Variants in FBN1 observed in about 807,000 individuals in gnomAD.
FBN1 encodes the protein fibrillin-1.
FBN1 carries 29 observed loss-of-function variants against 365.1 expected under a neutral mutation model. The observed-to-expected ratio is 0.08, with a 90% CI of 0.06 to 0.11. The LOEUF is 0.11. FBN1 is among the 10% of genes least tolerant of loss of function. The probability of loss-of-function intolerance (pLI) is 1.00; values close to 1 mark genes in which losing one functional copy is unlikely to be tolerated. For missense variants in FBN1, 2,476 were observed against 3,703.2 expected (o/e 0.67, Z 8.60); for synonymous variants, 1,210 against 1,270.5 (o/e 0.95, Z 1.01).
At chr15:48,438,611 T>C (rs1186349954) in intron 50 of FBN1, among the ~76,000 whole-genome samples, 2 of 152,080 alleles carry the variant, frequency 1.3e-5, no homozygotes, top group East Asian at 1.9e-4. Context: ...AGAAGCTTGT[T>C]TAGCTCAACA....
intron 23 of FBN1, among the ~76,000 whole-genome samples, chr15:48,493,975 A>C (rs1208632849): frequency 6.6e-6 from 1 of 152,204 alleles, no homozygotes; most frequent in Non-Finnish European, 1.5e-5. Context: ...ATCAACCTAA[A>C]ACATTTTCAG....
intron 17 of FBN1, among the ~76,000 whole-genome samples, chr15:48,500,606 T>G (rs1033125484): frequency 2.6e-5 from 4 of 152,092 alleles, no homozygotes; most frequent in African/African-American, 9.7e-5. Context: ...TATAAACACA[T>G]AGTGAGGGGT....
Position 48,421,448 on chromosome 15 carries a change from T to A in FBN1, c.7699+110A>T, listed in dbSNP as rs1597513163. The A allele has an allele frequency of 2.2e-6, 3 of 1,364,790 alleles. No homozygotes were observed. The South Asian group carries it at 3.7e-5, about 17-fold the overall frequency. 84.5% of individuals were successfully genotyped at this position (1,364,790 alleles called of 1,614,324 possible). On this transcript the variant is annotated intron_variant, in intron 62 of 65. Transcript: ENST00000316623. The stretch of plus-strand genomic sequence containing the variant: ...ACACTATTTTAGCTGAGTGCCCCCC[T>A]GGGCTCAGATCTGCTATCTCATAGA...
intron 6 of FBN1, among the ~76,000 whole-genome samples, chr15:48,563,422 A>G (rs1414031946): frequency 6.6e-6 from 1 of 152,276 alleles, no homozygotes; most frequent in African/African-American, 2.4e-5. Flanking sequence ...TGCAGGGAGC[A>G]GGCAGGGAGG....
intron 30 of FBN1, 38 bp downstream of exon 30, chr15:48,485,336 C>T: frequency 6.2e-7 from 1 of 1,614,046 alleles, no homozygotes; most frequent in Middle Eastern, 1.7e-4. Context: ...ACTTAGGAAC[C>T]TACTGAGAGA....
intron 22 of FBN1, among the ~76,000 whole-genome samples, chr15:48,494,603 AATATAGAAAACTCAAGTCTATAATTTG>A (rs1283397999): frequency 6.6e-6 from 1 of 152,218 alleles, no homozygotes; most frequent in Non-Finnish European, 1.5e-5. Context: ...CTTTAACCTG[AATATAGAAAACTCAAGTCTATAATTTG>A]GAGATCTCAT....
intron 6 of FBN1, among the ~76,000 whole-genome samples, chr15:48,562,074 T>C (rs909222894): frequency 2.6e-5 from 4 of 152,200 alleles, no homozygotes; most frequent in African/African-American, 9.6e-5. Context: ...GATCACATTT[T>C]GGGCAACACT....
At chr15:48,484,929 T>C (rs940373702) in intron 30 of FBN1, among the ~76,000 whole-genome samples, 83 of 152,294 alleles carry the variant, frequency 5.4e-4, no homozygotes, top group African/African-American at 1.9e-3. Flanking sequence ...TTTGGAGAGA[T>C]TGTGAAAACA....
chr15:48,509,626 A>G (rs2060865559), intron 14 of FBN1, among the ~76,000 whole-genome samples: 1 of 150,590 alleles, frequency 6.6e-6, no homozygotes, highest in Non-Finnish European at 1.5e-5. Context: ...TTTACATTAT[A>G]TCTATTTTAG....
chr15:48,578,543 T>G (rs2044366387), intron 6 of FBN1, among the ~76,000 whole-genome samples: 1 of 152,150 alleles, frequency 6.6e-6, no homozygotes, highest in African/African-American at 2.4e-5. Context: ...ATGGGATGGC[T>G]GGGTCAAATG....
intron 6 of FBN1, among the ~76,000 whole-genome samples, chr15:48,586,534 A>ATC (rs1302227528): frequency 2.0e-5 from 3 of 152,196 alleles, no homozygotes; most frequent in African/African-American, 7.2e-5. Flanking sequence ...TGGCATGCAC[A>ATC]CTGACCACAT....
chr15:48,525,744 G>C (rs931274732), intron 9 of FBN1, among the ~76,000 whole-genome samples: 2 of 152,170 alleles, frequency 1.3e-5, no homozygotes, highest in Non-Finnish European at 2.9e-5. Flanking sequence ...AAGAAGCAGG[G>C]AGACCAATTA....
At chr15:48,506,291 A>C (rs2043707046) in intron 15 of FBN1, among the ~76,000 whole-genome samples, 1 of 152,224 alleles carries the variant, frequency 6.6e-6, no homozygotes, top group Admixed American at 6.5e-5. Context: ...ATATACAACT[A>C]GTGTATGGGA....
intron 51 of FBN1, 150 bp from the exon 52 acceptor site, chr15:48,437,537 C>T (rs746574614): frequency 7.2e-6 from 6 of 836,328 alleles, no homozygotes; most frequent in Non-Finnish European, 1.2e-5. Context: ...AGTTATTTAA[C>T]GAGACTCCCT....
At chr15:48,570,353 T>C (rs2044297075) in intron 6 of FBN1, among the ~76,000 whole-genome samples, 1 of 152,188 alleles carries the variant, frequency 6.6e-6, no homozygotes. Context: ...CATAAATCTA[T>C]ATCACATTCC....
chr15:48,427,226 T>G (rs933492234), intron 58 of FBN1, among the ~76,000 whole-genome samples: 1 of 152,220 alleles, frequency 6.6e-6, no homozygotes, highest in Non-Finnish European at 1.5e-5. Flanking sequence ...GGTGGACTGG[T>G]TTGCACATTT....
intron 6 of FBN1, among the ~76,000 whole-genome samples, chr15:48,562,588 A>G (rs1201468903): frequency 2.0e-5 from 3 of 152,186 alleles, no homozygotes; most frequent in African/African-American, 7.2e-5. Flanking sequence ...CATATTTTTA[A>G]AACCAAAGTA....
intron 60 of FBN1, 98 bp downstream of exon 60, chr15:48,425,271 G>C (rs2042970197): frequency 2.0e-6 from 3 of 1,525,306 alleles, no homozygotes; most frequent in Non-Finnish European, 2.7e-6. Context: ...CCTGCCTGTA[G>C]AGCAGGTCTT....
chr15:48,524,954 T>C (rs2043895872), intron 9 of FBN1, among the ~76,000 whole-genome samples: 1 of 152,228 alleles, frequency 6.6e-6, no homozygotes, highest in South Asian at 2.1e-4. Context: ...AAATATGTCT[T>C]AATCCTCATG....
Sources: allele counts gnomAD v4.1 joint callset (sites outside exome capture counted in the v4.1 genomes callset), GRCh38; gene constraint gnomAD v4.1.1; transcripts MANE v1.5; gene names NCBI Gene and HGNC (gene_info 2026-07-23, HGNC 2026-07-21).